Variants in KLF3 observed in about 807,000 individuals in gnomAD.
The protein encoded by KLF3 is KLF transcription factor 3, also known as Krueppel-like factor 3.
Under a neutral mutation model 32.7 loss-of-function variants are expected in KLF3, and 6 were observed. That is an observed-to-expected ratio of 0.18 (90% CI 0.10 to 0.36). KLF3 has a LOEUF of 0.36. Ranked by LOEUF, KLF3 falls within the 10% of genes least tolerant of loss-of-function variation. KLF3 has a pLI of 1.00. For missense variants in KLF3, 338 were observed against 449.7 expected, an observed-to-expected ratio of 0.75 and a Z score of 2.25; for synonymous variants, 145 against 172.8, an observed-to-expected ratio of 0.84 and a Z score of 1.26.
intron 1 of KLF3, among the ~76,000 whole-genome samples, chr4:38,665,590 C>T (rs554479141): frequency 1.3e-5 from 2 of 152,260 alleles, no homozygotes; most frequent in South Asian, 4.1e-4. Flanking sequence ...TTACACTTAA[C>T]CACTGAATTT....
At chr4:38,672,950 G>T (rs1321276163) in intron 1 of KLF3, among the ~76,000 whole-genome samples, 1 of 152,106 alleles carries the variant, frequency 6.6e-6, no homozygotes, top group Non-Finnish European at 1.5e-5. Context: ...GCCAATGGGA[G>T]GCGGGGAGGG....
intron 1 of KLF3, among the ~76,000 whole-genome samples, chr4:38,667,035 T>TA (rs1722065792): frequency 2.0e-5 from 3 of 152,240 alleles, no homozygotes; most frequent in Admixed American, 6.5e-5. Context: ...TTGAATATGA[T>TA]AAAATCACAT....
At chr4:38,682,422 C>T (rs1031493107) in intron 2 of KLF3, among the ~76,000 whole-genome samples, 4 of 152,186 alleles carry the variant, frequency 2.6e-5, no homozygotes, top group Admixed American at 2.6e-4. Context: ...TCCCCCTCCC[C>T]GGCATCACTA....
chr4:38,689,701 A>C, intron 3 of KLF3, 28 bp from the exon 4 acceptor site: 1 of 1,527,710 alleles, frequency 6.5e-7, no homozygotes, highest in Non-Finnish European at 8.9e-7. Context: ...ACTGTACGTG[A>C]AGTGACTTTT....
intron 2 of KLF3, among the ~76,000 whole-genome samples, chr4:38,681,741 T>C (rs931327068): frequency 5.3e-5 from 8 of 152,226 alleles, no homozygotes; most frequent in Non-Finnish European, 1.2e-4. Flanking sequence ...TTGGAAAATA[T>C]TCACAAGGGG....
Position 38,682,696 on chromosome 4 carries a change from C to G in KLF3, c.57+2014C>G, listed in dbSNP as rs926175286. On this transcript the variant is annotated intron_variant, in intron 2 of 5. Transcript: ENST00000261438. Reference sequence around the variant, plus strand: ...ATATAATTAAGTGCAAGGAAATGCACTTAACCGAAAAAAAAAATGTGGAAT... The same window carrying G: ...ATATAATTAAGTGCAAGGAAATGCAGTTAACCGAAAAAAAAAATGTGGAAT... Among the ~76,000 whole-genome samples, 4 of 151,272 alleles carry G rather than the reference C, an allele frequency of 2.6e-5. No individual in the cohort carries two copies. In the East Asian group the frequency reaches 7.7e-4, roughly 29 times the overall value.
chr4:38,697,460 G>A lies in KLF3; in HGVS notation c.*197G>A. 2.1e-6 allele frequency: 1 copy of A among 466,254 alleles called. No homozygotes were observed. The highest frequency in any genetic ancestry group is 5.8e-5 in the South Asian group (1 of 17,192). 28.9% of individuals were successfully genotyped at this position (466,254 alleles called of 1,614,324 possible). A position where few individuals can be genotyped will look rare whatever the true frequency, so the allele number is the denominator to read the frequency against. On this transcript the variant is annotated 3_prime_UTR_variant, in exon 6 of 6. Transcript: ENST00000261438. The stretch of plus-strand genomic sequence containing the variant: ...CTAATCCTCCCTCTCCTTACCACGG[G>A]TCAGACCTAAAGAATGTGAACACTT...
At chr4:38,690,278 A>G (rs1722836460) in intron 4 of KLF3, 1 of 179,948 alleles carries the variant, frequency 5.6e-6, no homozygotes, top group Non-Finnish European at 1.2e-5. Context: ...TAGTCCTTAC[A>G]GAGTGTATAG....
At chr4:38,673,249 G>A (rs1444177760) in intron 1 of KLF3, among the ~76,000 whole-genome samples, 1 of 152,120 alleles carries the variant, frequency 6.6e-6, no homozygotes, top group African/African-American at 2.4e-5. Flanking sequence ...GCTGCCCAGC[G>A]CCAACTGGTC....
In KLF3 at chr4:38,697,267, CCT is replaced by C; in HGVS notation, c.*7_*8del. On this transcript the variant is annotated 3_prime_UTR_variant, in exon 6 of 6. Coordinates refer to ENST00000261438, the MANE Select transcript of KLF3 (RefSeq NM_016531.6). ...GAAACGCCACATGCTAGTCTGATTG[CCT>C]CTGTGTCCTGCCTCAGCGTGACTCC... 1.3e-6 allele frequency: 2 copies of C among 1,597,456 alleles called. No homozygotes were observed. The highest frequency in any genetic ancestry group is 1.7e-6 in the Non-Finnish European group (2 of 1,169,506).
chr4:38,677,068 A>T (rs1560415059), intron 1 of KLF3, among the ~76,000 whole-genome samples: 1 of 148,018 alleles, frequency 6.8e-6, no homozygotes, highest in Non-Finnish European at 1.5e-5. Context: ...TCAAGCGATT[A>T]TACTGCCTCA....
At chr4:38,666,998 A>G (rs1722065051) in intron 1 of KLF3, among the ~76,000 whole-genome samples, 1 of 152,242 alleles carries the variant, frequency 6.6e-6, no homozygotes, top group South Asian at 2.1e-4. Context: ...GAGGGAGGCT[A>G]GTGTTCATTA....
intron 1 of KLF3, among the ~76,000 whole-genome samples, chr4:38,672,062 C>T (rs1298601582): frequency 6.6e-6 from 1 of 152,186 alleles, no homozygotes; most frequent in Admixed American, 6.5e-5. Context: ...CTCTGGAGTA[C>T]ACATGATGGG....
rs1723145931 is a variant in KLF3, at chr4:38,699,612, C to T, written c.*2349C>T. On this transcript the variant is annotated 3_prime_UTR_variant, in exon 6 of 6. Coordinates refer to ENST00000261438, the MANE Select transcript of KLF3 (RefSeq NM_016531.6). ...CATGGAATTGATGCATTTGCTGTGG[C>T]ATATTTAAATTTTGTTCAAAAGATT... 6.6e-6 allele frequency: 1 copy of T among 152,158 alleles called. No individual in the cohort carries two copies. The allele number at this position is 152,158 out of a possible 1,614,324, so 9.4% of individuals were successfully genotyped here.
At chr4:38,692,681 G>A (rs996953225) in intron 4 of KLF3, among the ~76,000 whole-genome samples, 2 of 151,958 alleles carry the variant, frequency 1.3e-5, no homozygotes, top group Admixed American at 1.3e-4. Context: ...ACAGCCTTTC[G>A]GTGCACCTTT....
Position 38,688,659 on chromosome 4 carries a change from G to C in KLF3, c.132G>C (p.Glu44Asp), listed in dbSNP as rs1189588775. The change falls in exon 3 of 6, where the codon GAG (glutamate) becomes GAC (aspartate). Residue 44 changes from glutamate to aspartate, a missense_variant. Around this residue, in one of 2 missense-constraint regions of KLF3, gnomAD observed 272 missense variants for 313.4 expected, o/e 0.87. Transcript: ENST00000261438. This position sits in a 1 kb window ranked among gnomAD's most constrained non-coding sequence, Gnocchi z 4.9. ...TCATCTACTCCACACCATTGCCTGA[G>C]AAGTTCTTTCAGACCCCAGAAGGTC... ...YGVIYSTPLPEKFFQTPEGLS... is the reference protein window; with the variant it reads ...YGVIYSTPLPDKFFQTPEGLS... The C allele has an allele frequency of 6.2e-7, 1 of 1,614,076 alleles. No homozygotes were observed. Among genetic ancestry groups the C allele is most frequent in the African/African-American group, 1.3e-5 (1 of 74,924 alleles).
Position 38,701,115 on chromosome 4 carries a change from T to A in KLF3, c.*3852T>A, listed in dbSNP as rs1723181416. On this transcript the variant is annotated 3_prime_UTR_variant, in exon 6 of 6. Coordinates refer to ENST00000261438, the MANE Select transcript of KLF3 (RefSeq NM_016531.6). ...TACAGAGCAATGTAAGAACCCTTGC[T>A]TAGAACATTACTTACTCTGATGGGC... is the stretch of plus-strand genomic sequence containing the variant. The A allele has an allele frequency of 6.6e-6, 1 of 152,204 alleles. No individual in the cohort carries two copies. Among genetic ancestry groups the A allele is most frequent in the Non-Finnish European group, 1.5e-5 (1 of 68,022 alleles). 9.4% of individuals were successfully genotyped at this position (152,204 alleles called of 1,614,324 possible).
In KLF3 at chr4:38,664,428, C is replaced by A. The variant is rs1390100470; in HGVS notation, c.-73C>A. On this transcript the variant is annotated 5_prime_UTR_variant, in exon 1 of 6. Coordinates refer to ENST00000261438, the MANE Select transcript of KLF3 (RefSeq NM_016531.6). ...GCAGCCCGTATCGGGGCCTTTATTT[C>A]TCGTCGGCGGCGCCCTGCACCGCGC... is the stretch of plus-strand genomic sequence containing the variant. The A allele has an allele frequency of 6.6e-6, 1 of 152,120 alleles. No individual in the cohort carries two copies. The highest frequency in any genetic ancestry group is 6.5e-5 in the Admixed American group (1 of 15,280). 9.4% of individuals were successfully genotyped at this position (152,120 alleles called of 1,614,324 possible). A position where few individuals can be genotyped will look rare whatever the true frequency, so the allele number is the denominator to read the frequency against.
Position 38,688,762 on chromosome 4 carries a change from C to G in KLF3, c.235C>G (p.Pro79Ala), listed in dbSNP as rs1437210747. The change falls in exon 3 of 6, where the codon CCC (proline) becomes GCC (alanine). Residue 79 changes from proline to alanine, a missense_variant. By Grantham distance (27) the Pro-to-Ala change is conservative. Coordinates refer to ENST00000261438, the MANE Select transcript of KLF3 (RefSeq NM_016531.6). The surrounding 1 kb of genome is among the most constrained non-coding windows in gnomAD (Gnocchi z 4.9). ...TTCACCCCCTTCGGCTGGGAATTCG[C>G]CCTCCTCTCTGAAGTTCCCGTCCTC... The part of the protein sequence containing the change: ...RSSPPSAGNS[P>A]SSLKFPSSHR... 6.2e-6 allele frequency: 10 copies of G among 1,614,198 alleles called. No homozygotes were observed. Among genetic ancestry groups the G allele is most frequent in the Non-Finnish European group, 8.5e-6 (10 of 1,180,034 alleles).
Sources: allele counts gnomAD v4.1 joint callset (sites outside exome capture counted in the v4.1 genomes callset), GRCh38; gene constraint gnomAD v4.1.1; regional missense constraint gnomAD v4.1.1; non-coding constraint Gnocchi (gnomAD v3.1); transcripts MANE v1.5; gene names NCBI Gene and HGNC (gene_info 2026-07-23, HGNC 2026-07-21).